ARHGAP29: variants seen among roughly 807,000 people sequenced by gnomAD.
ARHGAP29 encodes Rho GTPase activating protein 29.
Under a neutral mutation model 122.6 loss-of-function variants are expected in ARHGAP29, and 43 were observed. That is an observed-to-expected ratio of 0.35 (90% CI 0.27 to 0.45). ARHGAP29 has a LOEUF of 0.45. Ranked by LOEUF, ARHGAP29 falls within the 20% of genes least tolerant of loss-of-function variation. The pLI is 1.00. For synonymous variants in ARHGAP29, 506 were observed against 497.1 expected (o/e 1.02, Z -0.24); for missense variants, 1,303 against 1,477.2 (o/e 0.88, Z 1.93).
chr1:94,242,561 T>G (rs1410927599), upstream of ARHGAP29, among the ~76,000 whole-genome samples: 3 of 142,144 alleles, frequency 2.1e-5, no homozygotes, highest in Non-Finnish European at 4.6e-5. Flanking sequence ...TACTAAAATC[T>G]CCAGAGATAA....
At chr1:94,285,105 C>T in the ARHGAP29 span, among the ~76,000 whole-genome samples, 1 of 152,218 alleles carries the variant, frequency 6.6e-6, no homozygotes, top group East Asian at 1.9e-4. Flanking sequence ...ATGGCTGATA[C>T]AAAAACAAAA....
At chr1:94,283,427 A>T in the ARHGAP29 span, among the ~76,000 whole-genome samples, 2 of 152,214 alleles carry the variant, frequency 1.3e-5, no homozygotes, top group Non-Finnish European at 2.9e-5. Flanking sequence ...CAAATGAGGT[A>T]TATAATAGAT....
intron 1 of ARHGAP29, among the ~76,000 whole-genome samples, chr1:94,245,548 A>G (rs753567471): frequency 5.3e-5 from 8 of 152,206 alleles, no homozygotes; most frequent in Non-Finnish European, 8.8e-5. Flanking sequence ...TGACAAAAGA[A>G]TTTCGTTGCC....
upstream of ARHGAP29, chr1:94,275,140 A>G (rs533785396): frequency 6.6e-6 from 1 of 152,324 alleles, no homozygotes; most frequent in South Asian, 2.1e-4. Flanking sequence ...TTTAGAAAGT[A>G]CTTGTTGAGT....
intron 7 of ARHGAP29, among the ~76,000 whole-genome samples, chr1:94,204,709 A>G (rs1438610866): frequency 1.3e-5 from 2 of 150,268 alleles, no homozygotes; most frequent in East Asian, 3.9e-4. Context: ...AATATTAGCT[A>G]TTAAAATGTT....
intron 20 of ARHGAP29, among the ~76,000 whole-genome samples, chr1:94,178,445 C>G (rs745829717): frequency 6.6e-6 from 1 of 152,130 alleles, no homozygotes. Flanking sequence ...AAACTGCTCC[C>G]ATCTCAGTAT....
chr1:94,238,407 T>G (rs747670004), upstream of ARHGAP29, among the ~76,000 whole-genome samples: 41 of 150,642 alleles, frequency 2.7e-4, no homozygotes, highest in African/African-American at 1.0e-3. Context: ...CACTTCATAA[T>G]GAGAAGAAAA....
chr1:94,248,014 T>C (rs1653896074), intron 1 of ARHGAP29: 1 of 152,236 alleles, frequency 6.6e-6, no homozygotes, highest in African/African-American at 2.4e-5. Flanking sequence ...AGGTTCTCTG[T>C]CCTTGTTTAA....
rs1015373625 is a variant in ARHGAP29, at chr1:94,168,970, T to C, written c.*4899A>G. On this transcript the variant is annotated 3_prime_UTR_variant, in exon 23 of 23. Coordinates refer to ENST00000260526, the MANE Select transcript of ARHGAP29 (RefSeq NM_004815.4). Reference sequence around the variant, plus strand: ...GCTTATTTTATGGATGCAGAGTAGATTGGTTGAGTGTGAGGACACTTAAAA... The same window carrying C: ...GCTTATTTTATGGATGCAGAGTAGACTGGTTGAGTGTGAGGACACTTAAAA... Among the ~76,000 whole-genome samples the C allele has an allele frequency of 2.0e-5, 3 of 152,296 alleles. No homozygotes were observed. Among genetic ancestry groups the C allele is most frequent in the Middle Eastern group, 3.4e-3 (1 of 294 alleles).
At chr1:94,300,479 A>G in the ARHGAP29 span, among the ~76,000 whole-genome samples, 8 of 152,130 alleles carry the variant, frequency 5.3e-5, no homozygotes, top group Non-Finnish European at 1.0e-4. Flanking sequence ...TGCTGACCTC[A>G]TCTGACCTGA....
chr1:94,314,580 A>G, the ARHGAP29 span, among the ~76,000 whole-genome samples: 170 of 152,324 alleles, frequency 1.1e-3, no homozygotes, highest in African/African-American at 3.9e-3. Context: ...CCACTCAGAC[A>G]GACCCCTTTG....
chr1:94,267,532 T>A (rs1473906220), intron 1 of ARHGAP29, among the ~76,000 whole-genome samples: 1 of 152,216 alleles, frequency 6.6e-6, no homozygotes, highest in African/African-American at 2.4e-5. Flanking sequence ...TGAGCATATC[T>A]AATAGTCAGT....
At chr1:94,263,947 G>C (rs1369375382) in intron 1 of ARHGAP29, among the ~76,000 whole-genome samples, 3 of 152,084 alleles carry the variant, frequency 2.0e-5, no homozygotes, top group African/African-American at 7.2e-5. Flanking sequence ...TGCTTGTATT[G>C]TTCCCAATGT....
In ARHGAP29 at chr1:94,202,607, T is replaced by C; in HGVS notation, c.1080A>G (p.Leu360=). Residue 360 remains leucine (L), a synonymous_variant, in exon 11 of 23, where the codon TTA becomes TTG. Coordinates refer to ENST00000260526, the MANE Select transcript of ARHGAP29 (RefSeq NM_004815.4). ...CTAGTTGCTTGTTGAGATTTTTTGC[T>C]AATCCGCCACTTGAAGACAGATGCT... The part of the protein sequence containing the change: ...EEEHLSSSGG[L]AKNLNKQLEK... 6.2e-7 allele frequency: 1 copy of C among 1,614,244 alleles called. No individual in the cohort carries two copies. The highest frequency in any genetic ancestry group is 2.2e-5 in the East Asian group (1 of 44,894).
chr1:94,189,785 G>A (rs539136369), intron 13 of ARHGAP29, 141 bp downstream of exon 13: 18 of 745,646 alleles, frequency 2.4e-5, no homozygotes, highest in Non-Finnish European at 3.4e-5. Flanking sequence ...TATCTACTTC[G>A]ATACCATAAA....
intron 1 of ARHGAP29, among the ~76,000 whole-genome samples, chr1:94,251,912 A>G (rs996740083): frequency 1.3e-5 from 2 of 152,160 alleles, no homozygotes; most frequent in Admixed American, 1.3e-4. Flanking sequence ...GATTTTTTAA[A>G]TGTCCCCTTA....
intron 22 of ARHGAP29, chr1:94,177,184 C>CAAA (rs147644555): frequency 6.6e-6 from 1 of 151,640 alleles, no homozygotes; most frequent in Admixed American, 6.6e-5. Flanking sequence ...AAAAGCATGT[C>CAAA]AAAAAAAAAG....
chr1:94,239,490 A>C (rs76533970), upstream of ARHGAP29, among the ~76,000 whole-genome samples: 1,008 of 152,148 alleles, frequency 6.6e-3, 5 homozygotes, highest in African/African-American at 0.023. Flanking sequence ...AGGAGCTCAC[A>C]AGGAGGAGAG....
Position 94,186,566 on chromosome 1 carries a change from T to C in ARHGAP29, c.1713A>G (p.Pro571=), listed in dbSNP as rs1649814730. ...CTGCAGAGGACATAGTTCCACTGGATGGTGTTCGTGGAAGTTTTCGATGAA... is the reference window on the plus strand; with the variant it reads ...CTGCAGAGGACATAGTTCCACTGGACGGTGTTCGTGGAAGTTTTCGATGAA... The part of the protein sequence containing the change: ...GDFHRKLPRT[P]SSGTMSSADD... The change falls in exon 16 of 23, where the codon CCA becomes CCG. Residue 571 remains proline, a synonymous_variant. Coordinates refer to ENST00000260526, the MANE Select transcript of ARHGAP29 (RefSeq NM_004815.4). 6.2e-7 allele frequency: 1 copy of C among 1,613,710 alleles called. No individual in the cohort carries two copies. The highest frequency in any genetic ancestry group is 1.1e-5 in the South Asian group (1 of 91,036).
Sources: gnomAD v4.1 joint callset for allele counts (sites outside exome capture counted in the v4.1 genomes callset) on GRCh38, gnomAD v4.1.1 for gene constraint, MANE v1.5 for transcripts, NCBI Gene and HGNC (gene_info 2026-07-23, HGNC 2026-07-21) for gene names.